CACNA1E: variants seen among roughly 807,000 people sequenced by gnomAD.
CACNA1E encodes voltage-dependent R-type calcium channel subunit alpha-1E.
In CACNA1E, 40 loss-of-function variants were observed where a neutral mutation model predicts 259.2. The observed-to-expected ratio is 0.15, with a 90% CI of 0.12 to 0.20. The LOEUF (loss-of-function observed/expected upper bound fraction) is 0.20, where lower values mean the gene tolerates loss of function less well. Among genes scored for constraint, CACNA1E ranks in the 10% least tolerant of loss-of-function variants. The probability of loss-of-function intolerance (pLI) is 1.00; values close to 1 mark genes in which losing one functional copy is unlikely to be tolerated. For missense variants in CACNA1E, 1,874 were observed against 3,040.1 expected, an observed-to-expected ratio of 0.62 and a Z score of 9.02; for synonymous variants, 1,104 against 1,138.5, an observed-to-expected ratio of 0.97 and a Z score of 0.61.
Position 181,758,874 on chromosome 1 carries a change from T to C in CACNA1E, c.4605+6T>C, listed in dbSNP as rs1174873396. 4 of 1,498,822 alleles carry C rather than the reference T, an allele frequency of 2.7e-6. No individual in the cohort carries two copies. In the South Asian group the frequency reaches 3.4e-5, roughly 13 times the overall value. The allele number at this position is 1,498,822 out of a possible 1,614,324, so 92.8% of individuals were successfully genotyped here. A position where few individuals can be genotyped will look rare whatever the true frequency, so the allele number is the denominator to read the frequency against. ...TCATCGCTTTTGGCTTTTTGGTATG[T>C]TGCTGAATCCTTCCCAGCACTGGGC... On this transcript the variant is annotated splice_donor_region_variant and intron_variant, in intron 32 of 47. Transcript: ENST00000367573. The surrounding 1 kb of genome is among the most constrained non-coding windows in gnomAD (Gnocchi z 4.2).
intron 39 of CACNA1E, among the ~76,000 whole-genome samples, chr1:181,783,072 C>G (rs1277673180): frequency 6.6e-6 from 1 of 152,164 alleles, no homozygotes; most frequent in African/African-American, 2.4e-5. Flanking sequence ...TGTTTGCACT[C>G]TCCCCCTTGT....
chr1:181,404,783 G>A (rs11808573), intron 1 of CACNA1E, among the ~76,000 whole-genome samples: 49 of 152,318 alleles, frequency 3.2e-4, no homozygotes, highest in Middle Eastern at 3.4e-3. Flanking sequence ...TCTGAGATAG[G>A]TCAGATGGAA....
At chr1:181,457,344 G>T (rs188764065) in intron 2 of CACNA1E, among the ~76,000 whole-genome samples, 1 of 152,360 alleles carries the variant, frequency 6.6e-6, no homozygotes, top group Admixed American at 6.5e-5. Context: ...TTCAACATAT[G>T]AATTTGGGTG....
At chr1:181,360,628 G>A (rs925751074) in intron 1 of CACNA1E, among the ~76,000 whole-genome samples, 2 of 152,130 alleles carry the variant, frequency 1.3e-5, no homozygotes, top group Non-Finnish European at 2.9e-5. Context: ...TCTTTTAGAG[G>A]GTGAGGAATG....
At position 181,793,706 on chromosome 1, in the gene CACNA1E, C is replaced by T; in HGVS notation, c.5940C>T (p.Asn1980=). The T allele has an allele frequency of 6.2e-7, 1 of 1,611,364 alleles. No individual in the cohort carries two copies. Among genetic ancestry groups the T allele is most frequent in the South Asian group, 1.1e-5 (1 of 90,512 alleles). The change falls in exon 45 of 48, where the codon AAC becomes AAT. Residue 1980 remains asparagine, a synonymous_variant. Coordinates refer to ENST00000367573, the MANE Select transcript of CACNA1E (RefSeq NM_001205293.3). The part of the protein sequence containing the change: ...VSELKSVQPS[N]HGIYLPSDTQ... ...AATTAAAAAGCGTGCAGCCCTCTAA[C>T]CATGGCATCTACCTTCCTTCGGACA... is the stretch of plus-strand genomic sequence containing the variant.
chr1:181,531,552 A>G (rs1667781237), intron 3 of CACNA1E, among the ~76,000 whole-genome samples: 1 of 152,190 alleles, frequency 6.6e-6, no homozygotes, highest in Non-Finnish European at 1.5e-5. Flanking sequence ...AAACCTGTCC[A>G]TGGAGCTGGG....
Position 181,756,818 on chromosome 1 carries a change from T to C in CACNA1E, c.4128-107T>C, listed in dbSNP as rs934410057. The C allele has an allele frequency of 3.9e-6, 3 of 762,908 alleles. No individual in the cohort carries two copies. The African/African-American group carries it at 5.2e-5, about 13-fold the overall frequency. The allele number at this position is 762,908 out of a possible 1,614,324, so 47.3% of individuals were successfully genotyped here. ...GGACTCAAAAAAAATTAATGGAGGATCTGCAAAGTCAAAGAAGTCAGATAA... is the reference window on the plus strand; with the variant it reads ...GGACTCAAAAAAAATTAATGGAGGACCTGCAAAGTCAAAGAAGTCAGATAA... On this transcript the variant is annotated intron_variant, in intron 29 of 47. Transcript: ENST00000367573.
chr1:181,746,973 G>A (rs1657144509), intron 25 of CACNA1E, among the ~76,000 whole-genome samples: 1 of 152,224 alleles, frequency 6.6e-6, no homozygotes. Context: ...ATTAAATAAG[G>A]TAAAATGTAT....
chr1:181,407,481 A>G (rs541909567), intron 1 of CACNA1E, among the ~76,000 whole-genome samples: 6 of 152,284 alleles, frequency 3.9e-5, no homozygotes, highest in South Asian at 2.1e-4. Context: ...AAGGGTGTCT[A>G]TTAACAATGT....
intron 5 of CACNA1E, among the ~76,000 whole-genome samples, chr1:181,580,375 A>G (rs1651403741): frequency 1.3e-5 from 2 of 152,080 alleles, no homozygotes; most frequent in African/African-American, 2.4e-5. Context: ...TGTGGAGGAG[A>G]GGCTCCATTT....
intron 7 of CACNA1E, among the ~76,000 whole-genome samples, chr1:181,659,364 C>T (rs563551232): frequency 6.6e-6 from 1 of 152,312 alleles, no homozygotes; most frequent in Non-Finnish European, 1.5e-5. Context: ...AGCATTGTAG[C>T]ATTTTTACTT....
chr1:181,446,131 G>A (rs1660774635), intron 2 of CACNA1E, among the ~76,000 whole-genome samples: 1 of 152,230 alleles, frequency 6.6e-6, no homozygotes, highest in Non-Finnish European at 1.5e-5. Flanking sequence ...GTCTGGGGCA[G>A]TCTTAGGTAC....
chr1:181,583,604 GCA>G (rs1651771619), intron 6 of CACNA1E, among the ~76,000 whole-genome samples: 1 of 152,096 alleles, frequency 6.6e-6, no homozygotes, highest in South Asian at 2.1e-4. Flanking sequence ...CTTTTCTGTA[GCA>G]CAGACTCTTC....
intron 3 of CACNA1E, among the ~76,000 whole-genome samples, chr1:181,532,668 C>T (rs1479015606): frequency 6.6e-6 from 1 of 152,206 alleles, no homozygotes; most frequent in Admixed American, 6.5e-5. Flanking sequence ...CCCTTTAAGC[C>T]AACACTTCAC....
At chr1:181,482,609 C>CTTCTGCGCGCCG (rs1201977322), upstream of CACNA1E, among the ~76,000 whole-genome samples, 4 of 151,924 alleles carry the variant, frequency 2.6e-5, no homozygotes, top group African/African-American at 9.7e-5. Context: ...CTCTTGCGCG[C>CTTCTGCGCGCCG]CTCGCTGCGC....
At chr1:181,329,795 C>G (rs1651101071) in intron 1 of CACNA1E, among the ~76,000 whole-genome samples, 1 of 152,164 alleles carries the variant, frequency 6.6e-6, no homozygotes, top group African/African-American at 2.4e-5. Flanking sequence ...TACTTAGTTA[C>G]TTGTTAGTTT....
At chr1:181,340,434 C>G (rs746286374) in intron 1 of CACNA1E, among the ~76,000 whole-genome samples, 17 of 151,812 alleles carry the variant, frequency 1.1e-4, no homozygotes, top group Admixed American at 2.0e-4. Flanking sequence ...CTTATTTATT[C>G]TTCCACATGA....
chr1:181,712,791 C>T (rs534083439), intron 8 of CACNA1E, among the ~76,000 whole-genome samples: 22 of 152,100 alleles, frequency 1.4e-4, no homozygotes, highest in South Asian at 8.3e-4. Flanking sequence ...GCTTTCTCGG[C>T]GGAGGAGCCA....
At chr1:181,636,592 C>T (rs1336174590) in intron 6 of CACNA1E, among the ~76,000 whole-genome samples, 1 of 152,164 alleles carries the variant, frequency 6.6e-6, no homozygotes, top group African/African-American at 2.4e-5. Context: ...CCTGAAAACT[C>T]CTTGGAGCAC....
Sources: allele counts gnomAD v4.1 joint callset (sites outside exome capture counted in the v4.1 genomes callset), GRCh38; gene constraint gnomAD v4.1.1; non-coding constraint Gnocchi (gnomAD v3.1); transcripts MANE v1.5; gene names NCBI Gene and HGNC (gene_info 2026-07-23, HGNC 2026-07-21).